Variants in MITF observed in about 807,000 individuals in gnomAD.
MITF encodes the protein microphthalmia-associated transcription factor.
MITF carries 17 observed loss-of-function variants against 60.5 expected under a neutral mutation model. The ratio of observed to expected loss-of-function variants is 0.28; its 90% CI spans 0.19 to 0.42. The LOEUF is 0.42. Ranked by LOEUF, MITF falls within the 10% of genes least tolerant of loss-of-function variation. The pLI, the probability that MITF is intolerant of heterozygous loss-of-function variation, is 1.00. For synonymous variants in MITF, 260 were observed against 248.5 expected, an observed-to-expected ratio of 1.05 and a Z score of -0.43; for missense variants, 622 against 683.5, an observed-to-expected ratio of 0.91 and a Z score of 1.00.
intron 1 of MITF, among the ~76,000 whole-genome samples, chr3:69,794,575 G>A (rs1192205489): frequency 1.3e-5 from 2 of 152,050 alleles, no homozygotes; most frequent in African/African-American, 2.4e-5. Context: ...GTGGTAGCTT[G>A]GTCATCAGGG....
At chr3:69,890,356 A>G (rs1419365145) in intron 2 of MITF, among the ~76,000 whole-genome samples, 1 of 152,102 alleles carries the variant, frequency 6.6e-6, no homozygotes, top group East Asian at 1.9e-4. Flanking sequence ...CATACTCTCA[A>G]TCCAGGTTCT....
At chr3:69,803,857 T>G (rs1377932462) in intron 1 of MITF, among the ~76,000 whole-genome samples, 1 of 152,072 alleles carries the variant, frequency 6.6e-6, no homozygotes, top group Non-Finnish European at 1.5e-5. Flanking sequence ...CAAATTTTCC[T>G]GTAGTGAGGA....
At chr3:69,886,052 A>C (rs963451289) in intron 2 of MITF, among the ~76,000 whole-genome samples, 3 of 152,142 alleles carry the variant, frequency 2.0e-5, no homozygotes, top group African/African-American at 7.2e-5. Context: ...TAGGTGGTGC[A>C]GTCAGGATTT....
At chr3:69,943,915 A>C (rs1162290556) in intron 5 of MITF, among the ~76,000 whole-genome samples, 1 of 151,962 alleles carries the variant, frequency 6.6e-6, no homozygotes. Flanking sequence ...ACTTAGAGAG[A>C]ATCCGTCTCT....
chr3:69,798,983 G>A lies in MITF; in HGVS notation c.104+59282G>A, dbSNP rs113552678. 4.3e-3 allele frequency among the ~76,000 whole-genome samples: 661 copies of A among 152,218 alleles called. 6 individuals carry two copies. Among genetic ancestry groups the A allele is most frequent in the African/African-American group, 0.015 (613 of 41,526 alleles). On this transcript the variant is annotated intron_variant, in intron 1 of 9. Coordinates refer to ENST00000352241, the MANE Select transcript of MITF (RefSeq NM_001354604.2). ...TTTGTGTGATCATTTGATGAATTCT[G>A]TGTCTCATCCTAGACTCTGATGCCC...
chr3:69,959,465 T>C, intron 9 of MITF, 45 bp downstream of exon 9: 1 of 1,610,904 alleles, frequency 6.2e-7, no homozygotes, highest in East Asian at 2.2e-5. Context: ...TTTACCGACT[T>C]CAAGACAGTA....
At chr3:69,802,144 C>T (rs1171301708) in intron 1 of MITF, among the ~76,000 whole-genome samples, 1 of 151,986 alleles carries the variant, frequency 6.6e-6, no homozygotes, top group African/African-American at 2.4e-5. Flanking sequence ...ATTTTAGCTC[C>T]CAGAAGACAT....
intron 1 of MITF, among the ~76,000 whole-genome samples, chr3:69,755,374 T>G (rs1704098050): frequency 6.8e-6 from 1 of 147,352 alleles, no homozygotes; most frequent in African/African-American, 2.5e-5. Context: ...TTATCCAATA[T>G]AAGCCATAAG....
At chr3:69,760,613 G>A (rs1184385465) in intron 1 of MITF, among the ~76,000 whole-genome samples, 1 of 152,198 alleles carries the variant, frequency 6.6e-6, no homozygotes, top group East Asian at 1.9e-4. Context: ...AAAGTGTCAT[G>A]GCACTGCTGG....
intron 2 of MITF, among the ~76,000 whole-genome samples, chr3:69,914,361 A>G (rs1451688123): frequency 6.6e-6 from 1 of 152,136 alleles, no homozygotes; most frequent in Non-Finnish European, 1.5e-5. Context: ...ACCTCAGGTG[A>G]TCCGCCTCCC....
chr3:69,744,832 A>G (rs1031543003), intron 1 of MITF, among the ~76,000 whole-genome samples: 1 of 152,164 alleles, frequency 6.6e-6, no homozygotes, highest in African/African-American at 2.4e-5. Context: ...AATCATAACA[A>G]TTCTTTTATG....
chr3:69,798,581 T>C (rs2062868131), intron 1 of MITF, among the ~76,000 whole-genome samples: 1 of 152,238 alleles, frequency 6.6e-6, no homozygotes, highest in African/African-American at 2.4e-5. Flanking sequence ...GTATTTTTGC[T>C]GCTATTTTTA....
chr3:69,877,171 T>C (rs1444529509), intron 1 of MITF, among the ~76,000 whole-genome samples: 1 of 152,238 alleles, frequency 6.6e-6, no homozygotes, highest in East Asian at 1.9e-4. Context: ...TAGTATTTTA[T>C]TGAATTCATA....
intron 2 of MITF, among the ~76,000 whole-genome samples, chr3:69,892,503 G>A (rs1403057035): frequency 6.6e-6 from 1 of 152,090 alleles, no homozygotes; most frequent in Non-Finnish European, 1.5e-5. Context: ...CATGAATTTG[G>A]GAAAATGTGT....
intron 2 of MITF, among the ~76,000 whole-genome samples, chr3:69,888,043 C>T (rs930889676): frequency 6.6e-6 from 1 of 151,920 alleles, no homozygotes. Context: ...TTCAATCACC[C>T]GGTCGGGAAG....
intron 2 of MITF, among the ~76,000 whole-genome samples, chr3:69,930,693 C>G (rs917534036): frequency 6.6e-6 from 1 of 152,230 alleles, no homozygotes; most frequent in Non-Finnish European, 1.5e-5. Context: ...AGCCTTGCTG[C>G]TCGGGATGTA....
chr3:69,784,112 T>G (rs1013059595), intron 1 of MITF, among the ~76,000 whole-genome samples: 4 of 152,238 alleles, frequency 2.6e-5, no homozygotes, highest in Non-Finnish European at 5.9e-5. Context: ...AATTCCATCT[T>G]TTCCTTTGTG....
At position 69,924,536 on chromosome 3, in the gene MITF, G is replaced by A. The variant is rs554444923; in HGVS notation, c.355-13286G>A. 3.2e-4 allele frequency among the ~76,000 whole-genome samples: 49 copies of A among 152,264 alleles called. 1 individual carries two copies. The East Asian group carries it at 8.9e-3, about 28-fold the overall frequency. On this transcript the variant is annotated intron_variant, in intron 2 of 9. Transcript: ENST00000352241. Reference sequence around the variant, plus strand: ...TGTACAGGTTGTCTCAAATTTATACGAAAGCAGAGTGAATAATAGAATGAA... The same window carrying A: ...TGTACAGGTTGTCTCAAATTTATACAAAAGCAGAGTGAATAATAGAATGAA...
At chr3:69,943,486 T>G (rs930963148) in intron 5 of MITF, among the ~76,000 whole-genome samples, 1 of 152,158 alleles carries the variant, frequency 6.6e-6, no homozygotes, top group Non-Finnish European at 1.5e-5. Context: ...TGGTAAAGCA[T>G]CTGTAGTATT....
Sources: gnomAD v4.1 joint callset for allele counts (sites outside exome capture counted in the v4.1 genomes callset) on GRCh38, gnomAD v4.1.1 for gene constraint, MANE v1.5 for transcripts, NCBI Gene and HGNC (gene_info 2026-07-23, HGNC 2026-07-21) for gene names.